RRAS: variants seen among roughly 807,000 people sequenced by gnomAD.
The protein encoded by RRAS is RAS related.
A neutral mutation model predicts 23.3 loss-of-function variants in RRAS; 18 were observed. The ratio of observed to expected loss-of-function variants is 0.77; its 90% CI spans 0.53 to 1.15. The LOEUF (loss-of-function observed/expected upper bound fraction) is 1.15, where lower values mean the gene tolerates loss of function less well. Ranked by LOEUF, RRAS falls within the 50% of genes most tolerant of loss-of-function variation. The pLI is 0.00. For missense variants in RRAS, 291 were observed against 317.1 expected, an observed-to-expected ratio of 0.92 and a Z score of 0.62; for synonymous variants, 133 against 138.3, an observed-to-expected ratio of 0.96 and a Z score of 0.27.
chr19:49,637,681 C>A (rs2081003457), intron 1 of RRAS, among the ~76,000 whole-genome samples: 1 of 151,742 alleles, frequency 6.6e-6, no homozygotes, highest in Non-Finnish European at 1.5e-5. Context: ...GGGTCTCTGT[C>A]CCCTCTGTCT....
chr19:49,635,734 C>A lies in RRAS; in HGVS notation c.572G>T (p.Arg191Leu), dbSNP rs759803129. Residue 191 changes from arginine (R) to leucine (L), a missense_variant and splice_region_variant, in exon 5 of 6, where the codon CGG (arginine) becomes CTG (leucine). Arg to Leu is a moderately radical substitution (Grantham distance 102). Coordinates refer to ENST00000246792, the MANE Select transcript of RRAS (RefSeq NM_006270.5). Reference protein sequence around the residue: ...EAFEQLVRAVRKYQEQELPPS... With the variant: ...EAFEQLVRAVLKYQEQELPPS... Reference sequence around the variant, plus strand: ...ACGACAGGAAGGGGACTTGGCTCACCGGACAGCCCGCACCAGCTGCTCAAA... The same window carrying A: ...ACGACAGGAAGGGGACTTGGCTCACAGGACAGCCCGCACCAGCTGCTCAAA... 29 of 1,563,786 alleles carry A rather than the reference C, an allele frequency of 1.9e-5. No homozygotes were observed. Among genetic ancestry groups the A allele is most frequent in the Non-Finnish European group, 2.4e-5 (28 of 1,143,212 alleles).
rs370459010 is a variant in RRAS at position 49,636,934 on chromosome 19, G to A, written c.242-8C>T. 16 of 1,612,698 alleles carry A rather than the reference G, an allele frequency of 9.9e-6. No individual in the cohort carries two copies. In the Admixed American group the frequency reaches 1.5e-4, roughly 15 times the overall value. On this transcript the variant is annotated splice_polypyrimidine_tract_variant and splice_region_variant and intron_variant, in intron 2 of 5. Coordinates refer to ENST00000246792, the MANE Select transcript of RRAS (RefSeq NM_006270.5). This position sits in a 1 kb window ranked among gnomAD's most constrained non-coding sequence, Gnocchi z 4.5. ...GGCCCGCGGTGTCCAGGACTGCAGA[G>A]ACAGGGAGAGGGGCCATCGTGGGGA...
At chr19:49,639,872 A>G (rs2081014131) in intron 1 of RRAS, 74 bp downstream of exon 1, 4 of 1,324,666 alleles carry the variant, frequency 3.0e-6, no homozygotes, top group Non-Finnish European at 4.1e-6. Context: ...AAGGGGGAAA[A>G]GGGGTCTCGG....
In RRAS at chr19:49,640,068, G is replaced by A; in HGVS notation, c.31C>T (p.Arg11Trp). Residue 11 changes from arginine to tryptophan, a missense_variant, in exon 1 of 6, where the codon CGG (arginine) becomes TGG (tryptophan). By Grantham distance (101) the Arg-to-Trp change is moderately radical. Transcript: ENST00000246792. ...GGTCCCCCGCCCCGGGGCCGCCCCC[G>A]CCCTGTCCCGGACGCCGCCCCGCTG... MSSGAASGTG[R>W]GRPRGGGPGP... The A allele has an allele frequency of 7.0e-6, 10 of 1,436,054 alleles. No individual in the cohort carries two copies. The highest frequency in any genetic ancestry group is 9.0e-6 in the Non-Finnish European group (10 of 1,108,276). 89.0% of individuals were successfully genotyped at this position (1,436,054 alleles called of 1,614,324 possible). A position where few individuals can be genotyped will look rare whatever the true frequency, so the allele number is the denominator to read the frequency against.
intron 1 of RRAS, among the ~76,000 whole-genome samples, chr19:49,637,529 G>A (rs1453081378): frequency 1.3e-5 from 2 of 151,754 alleles, no homozygotes; most frequent in Non-Finnish European, 2.9e-5. Context: ...GGCTGGTCTC[G>A]AACTCCTGAC....
chr19:49,639,881 G>T, intron 1 of RRAS, 65 bp downstream of exon 1: 1 of 1,427,298 alleles, frequency 7.0e-7, no homozygotes, highest in Non-Finnish European at 9.4e-7. Flanking sequence ...AAGGGGTCTC[G>T]GGGATCCCCC....
Position 49,636,580 on chromosome 19 carries a change from G to A in RRAS, c.453+39C>T, listed in dbSNP as rs757157570. The A allele has an allele frequency of 1.4e-6, 2 of 1,459,764 alleles. No homozygotes were observed. The highest frequency in any genetic ancestry group is 2.3e-5 in the South Asian group (2 of 87,976). The allele number at this position is 1,459,764 out of a possible 1,614,324, so 90.4% of individuals were successfully genotyped here. A position where few individuals can be genotyped will look rare whatever the true frequency, so the allele number is the denominator to read the frequency against. On this transcript the variant is annotated intron_variant, in intron 4 of 5. Coordinates refer to ENST00000246792, the MANE Select transcript of RRAS (RefSeq NM_006270.5). The surrounding 1 kb of genome is among the most constrained non-coding windows in gnomAD (Gnocchi z 4.5). ...CAGGTGTGCTGGAAGGAGCCTCCCA[G>A]ACTGAGATGGGGTCCCCAGAAAGAG...
Position 49,635,307 on chromosome 19 carries a change from C to A in RRAS, c.*269G>T. 6.7e-6 allele frequency: 2 copies of A among 299,868 alleles called. No homozygotes were observed. Among genetic ancestry groups the A allele is most frequent in the East Asian group, 1.1e-4 (2 of 18,950 alleles). 18.6% of individuals were successfully genotyped at this position (299,868 alleles called of 1,614,324 possible). A position where few individuals can be genotyped will look rare whatever the true frequency, so the allele number is the denominator to read the frequency against. On this transcript the variant is annotated 3_prime_UTR_variant, in exon 6 of 6. Transcript: ENST00000246792. Reference sequence around the variant, plus strand: ...AAGCACCTCCTGACGTTGGCAGTGACATTTATTTTTCTGGGGGAGGGGAGT... The same window carrying A: ...AAGCACCTCCTGACGTTGGCAGTGAAATTTATTTTTCTGGGGGAGGGGAGT...
Position 49,636,006 on chromosome 19 carries a change from C to T in RRAS, c.454-154G>A, listed in dbSNP as rs113668682. Among the ~76,000 whole-genome samples, 27 of 152,228 alleles carry T rather than the reference C, an allele frequency of 1.8e-4. No individual in the cohort carries two copies. In the South Asian group the frequency reaches 4.6e-3, roughly 26 times the overall value. On this transcript the variant is annotated intron_variant, in intron 4 of 5. Coordinates refer to ENST00000246792, the MANE Select transcript of RRAS (RefSeq NM_006270.5). This position sits in a 1 kb window ranked among gnomAD's most constrained non-coding sequence, Gnocchi z 4.5. ...CCTGAGAGATTATGGAGGGAGATGC[C>T]GCAGGGGCTTGGTGTCTTCTAAGTA...
intron 1 of RRAS, among the ~76,000 whole-genome samples, chr19:49,639,632 GA>G (rs1568438185): frequency 6.6e-6 from 1 of 151,708 alleles, no homozygotes; most frequent in African/African-American, 2.4e-5. Context: ...CTTAGGGTCC[GA>G]ATGGGGTGAG....
Position 49,640,035 on chromosome 19 carries a change from C to A in RRAS, c.64G>T (p.Gly22Trp), listed in dbSNP as rs754976061. The A allele has an allele frequency of 3.3e-6, 5 of 1,535,840 alleles. No homozygotes were observed. The Admixed American group carries it at 7.8e-5, about 24-fold the overall frequency. Residue 22 changes from glycine (G) to tryptophan (W), a missense_variant, in exon 1 of 6, where the codon GGG (glycine) becomes TGG (tryptophan). Gly to Trp is a radical substitution (Grantham distance 184). Coordinates refer to ENST00000246792, the MANE Select transcript of RRAS (RefSeq NM_006270.5). ...GRPRGGGPGP[G>W]DPPPSETHKL... Reference sequence around the variant, plus strand: ...TGTGTCTCGCTGGGCGGGGGGTCCCCGGGCCCAGGTCCCCCGCCCCGGGGC... The same window carrying A: ...TGTGTCTCGCTGGGCGGGGGGTCCCAGGGCCCAGGTCCCCCGCCCCGGGGC...
At chr19:49,638,515 C>G (rs1443188806) in intron 1 of RRAS, among the ~76,000 whole-genome samples, 1 of 151,882 alleles carries the variant, frequency 6.6e-6, no homozygotes, top group Non-Finnish European at 1.5e-5. Flanking sequence ...GATGTGGAGG[C>G]TAGGGGTCTG....
At chr19:49,638,446 C>T (rs890651434) in intron 1 of RRAS, among the ~76,000 whole-genome samples, 1 of 152,142 alleles carries the variant, frequency 6.6e-6, no homozygotes, top group Non-Finnish European at 1.5e-5. Flanking sequence ...CTGGGAGGAC[C>T]TCCCTCAGGA....
In RRAS at chr19:49,635,639, G is replaced by C; in HGVS notation, c.594C>G (p.Leu198=). ...RAVRKYQEQE[L]PPSPPSAPRK... ...TGGGGGCACTGGGAGGGCTCGGTGG[G>C]AGCTCTTGTTCCTGGTATTTCCTGT... Residue 198 remains leucine, a synonymous_variant, in exon 6 of 6, where the codon CTC becomes CTG. Coordinates refer to ENST00000246792, the MANE Select transcript of RRAS (RefSeq NM_006270.5). 6.9e-7 allele frequency: 1 copy of C among 1,453,954 alleles called. No homozygotes were observed. Among genetic ancestry groups the C allele is most frequent in the Non-Finnish European group, 9.2e-7 (1 of 1,091,420 alleles). 90.1% of individuals were successfully genotyped at this position (1,453,954 alleles called of 1,614,324 possible).
intron 1 of RRAS, among the ~76,000 whole-genome samples, chr19:49,637,817 G>A (rs1197342602): frequency 1.6e-5 from 2 of 126,552 alleles, no homozygotes; most frequent in Admixed American, 1.1e-4. Flanking sequence ...AGTCACTCCT[G>A]GTCCTCTCTT....
chr19:49,635,861 A>ACGGGGGGGTT lies in RRAS; in HGVS notation c.454-10_454-9insAACCCCCCCG. The ACGGGGGGGTT allele has an allele frequency of 7.1e-6, 3 of 421,860 alleles. No homozygotes were observed. The highest frequency in any genetic ancestry group is 8.6e-6 in the Non-Finnish European group (2 of 233,338). 26.1% of individuals were successfully genotyped at this position (421,860 alleles called of 1,614,324 possible). The stretch of plus-strand genomic sequence containing the variant: ...GCTTCTGATCGGGGGACCTGGGGGT[A>ACGGGGGGGTT]GGGGGGACACGGGGGAGTCAGGTCC... On this transcript the variant is annotated splice_polypyrimidine_tract_variant and intron_variant, in intron 4 of 5. Coordinates refer to ENST00000246792, the MANE Select transcript of RRAS (RefSeq NM_006270.5).
rs1197995369 is a variant in RRAS, at chr19:49,636,610, G to A, written c.453+9C>T. On this transcript the variant is annotated intron_variant, in intron 4 of 5. Transcript: ENST00000246792. This position sits in a 1 kb window ranked among gnomAD's most constrained non-coding sequence, Gnocchi z 4.5. ...AGATGGGGTCCCCAGAAAGAGGGGT[G>A]TCCCGAACCTGGCGCTGTGACTCCA... is the stretch of plus-strand genomic sequence containing the variant. The A allele has an allele frequency of 5.0e-6, 8 of 1,604,860 alleles. No homozygotes were observed. Among genetic ancestry groups the A allele is most frequent in the Non-Finnish European group, 6.8e-6 (8 of 1,171,576 alleles).
chr19:49,638,097 T>C (rs1033042069), intron 1 of RRAS, among the ~76,000 whole-genome samples: 7 of 152,094 alleles, frequency 4.6e-5, no homozygotes, highest in Non-Finnish European at 8.8e-5. Flanking sequence ...CCCCGTCTCC[T>C]CCTCCCCCGT....
At chr19:49,638,159 C>T (rs1300716770) in intron 1 of RRAS, among the ~76,000 whole-genome samples, 3 of 152,156 alleles carry the variant, frequency 2.0e-5, no homozygotes, top group Admixed American at 6.5e-5. Context: ...GGGAAGGTCC[C>T]GGTTCCAATC....
Sources: allele counts gnomAD v4.1 joint callset (sites outside exome capture counted in the v4.1 genomes callset), GRCh38; gene constraint gnomAD v4.1.1; non-coding constraint Gnocchi (gnomAD v3.1); transcripts MANE v1.5; gene names NCBI Gene and HGNC (gene_info 2026-07-23, HGNC 2026-07-21).